The following TMEM132B variants were observed in gnomAD, a reference collection of about 807,000 sequenced individuals.
TMEM132B encodes transmembrane protein 132B.
A neutral mutation model predicts 90.8 loss-of-function variants in TMEM132B; 18 were observed. The ratio of observed to expected loss-of-function variants is 0.20; its 90% confidence interval spans 0.14 to 0.29. The LOEUF is 0.29. TMEM132B is among the 10% of genes least tolerant of loss of function. TMEM132B has a pLI of 1.00. For synonymous variants in TMEM132B, 504 were observed against 523.3 expected, an observed-to-expected ratio of 0.96 and a Z score of 0.50; for missense variants, 1,096 against 1,326.8, an observed-to-expected ratio of 0.83 and a Z score of 2.70.
chr12:125,472,241 G>A (rs1437886849), intron 3 of TMEM132B, among the ~76,000 whole-genome samples: 3 of 152,206 alleles, frequency 2.0e-5, no homozygotes, highest in East Asian at 3.9e-4. Context: ...CAGCAGTGCA[G>A]GGGGGTACAG....
chr12:125,640,344 G>T (rs993127243), intron 5 of TMEM132B, among the ~76,000 whole-genome samples: 1 of 152,186 alleles, frequency 6.6e-6, no homozygotes, highest in Admixed American at 6.5e-5. Flanking sequence ...TATGTGTGTC[G>T]GGCAGAGGTG....
chr12:125,598,015 G>C (rs927137916), intron 5 of TMEM132B, among the ~76,000 whole-genome samples: 1 of 152,184 alleles, frequency 6.6e-6, no homozygotes, highest in African/African-American at 2.4e-5. Context: ...CGTTTGTGGT[G>C]TGTAGGATGT....
intron 2 of TMEM132B, 36 bp downstream of exon 2, chr12:125,350,379 C>T (rs368381991): frequency 1.3e-6 from 2 of 1,561,792 alleles, no homozygotes; most frequent in Non-Finnish European, 8.6e-7. Context: ...GAACAGAAGC[C>T]AACTCTTAGT....
chr12:125,319,480 G>A (rs1168472316), intron 1 of TMEM132B, among the ~76,000 whole-genome samples: 1 of 152,222 alleles, frequency 6.6e-6, no homozygotes, highest in Admixed American at 6.5e-5. Context: ...CTCTTCTGCT[G>A]TGGCCACACA....
At chr12:125,332,196 C>G (rs1258745753) in intron 1 of TMEM132B, among the ~76,000 whole-genome samples, 1 of 152,086 alleles carries the variant, frequency 6.6e-6, no homozygotes, top group African/African-American at 2.4e-5. Context: ...GAACATGTTA[C>G]TTAGTATGTT....
intron 3 of TMEM132B, among the ~76,000 whole-genome samples, chr12:125,467,376 TCTC>T (rs1881591564): frequency 6.6e-6 from 1 of 151,996 alleles, no homozygotes; most frequent in African/African-American, 2.4e-5. Flanking sequence ...TTGTCTCCCC[TCTC>T]CTCCTCCTCT....
chr12:125,630,283 G>A (rs1416778825), intron 5 of TMEM132B, among the ~76,000 whole-genome samples: 2 of 151,938 alleles, frequency 1.3e-5, no homozygotes, highest in Non-Finnish European at 2.9e-5. Context: ...TTTCTTTATT[G>A]GGAGACTTTT....
chr12:125,426,378 A>T (rs1424115675), intron 3 of TMEM132B, among the ~76,000 whole-genome samples: 1 of 151,832 alleles, frequency 6.6e-6, no homozygotes, highest in African/African-American at 2.4e-5. Context: ...ATACATTTTG[A>T]GTGGTGATGC....
chr12:125,461,401 C>A, intron 3 of TMEM132B, among the ~76,000 whole-genome samples: 1 of 152,216 alleles, frequency 6.6e-6, no homozygotes, highest in Non-Finnish European at 1.5e-5. Flanking sequence ...CTCACTGTCA[C>A]CAGGCTGATC....
At chr12:125,645,102 C>T (rs1391036170) in intron 6 of TMEM132B, among the ~76,000 whole-genome samples, 3 of 151,682 alleles carry the variant, frequency 2.0e-5, no homozygotes, top group Non-Finnish European at 4.4e-5. Context: ...CCTATAGTCC[C>T]AGCTACTCGG....
chr12:125,258,651 G>T (rs1305622916), intron 1 of TMEM132B, among the ~76,000 whole-genome samples: 1 of 152,150 alleles, frequency 6.6e-6, no homozygotes, highest in Non-Finnish European at 1.5e-5. Flanking sequence ...CACCCAGATT[G>T]AATGGGAAGG....
chr12:125,200,448 A>T (rs1217844340), intron 1 of TMEM132B, among the ~76,000 whole-genome samples: 1 of 152,200 alleles, frequency 6.6e-6, no homozygotes, highest in African/African-American at 2.4e-5. Flanking sequence ...TTCCAGGTAC[A>T]TACAGAACTA....
In TMEM132B at chr12:125,654,638, C is replaced by G. The variant is rs1478089036; in HGVS notation, c.3180C>G (p.Val1060=). ...ACAGCGATGATAACATCAAGTGGGTCTGCCAAGATATGGGGCTGGGGGATT... is the reference window on the plus strand; with the variant it reads ...ACAGCGATGATAACATCAAGTGGGTGTGCCAAGATATGGGGCTGGGGGATT... The part of the protein sequence containing the change: ...LFDSDDNIKW[V]CQDMGLGDSQ... Residue 1060 remains valine, a synonymous_variant, in exon 9 of 9, where the codon GTC becomes GTG. Transcript: ENST00000682704. The surrounding 1 kb of genome is among the most constrained non-coding windows in gnomAD (Gnocchi z 5.8). 12 of 1,614,100 alleles carry G rather than the reference C, an allele frequency of 7.4e-6. No individual in the cohort carries two copies. The highest frequency in any genetic ancestry group is 1.0e-5 in the Non-Finnish European group (12 of 1,180,058).
At chr12:125,252,198 C>T (rs1874332246) in intron 1 of TMEM132B, among the ~76,000 whole-genome samples, 2 of 152,190 alleles carry the variant, frequency 1.3e-5, no homozygotes, top group Non-Finnish European at 2.9e-5. Flanking sequence ...GGGCAGAATG[C>T]AGCTAGTGGG....
Position 125,660,470 on chromosome 12 carries a change from C to T in TMEM132B, c.*5760C>T, listed in dbSNP as rs1436231022. The stretch of plus-strand genomic sequence containing the variant: ...TTTTTTGGTATTGAAATCCTTAATG[C>T]CTGTTAGTTTCTTTATGGTTTTATA... On this transcript the variant is annotated 3_prime_UTR_variant, in exon 9 of 9. Transcript: ENST00000682704. The T allele has an allele frequency of 6.6e-6, 1 of 151,938 alleles. No homozygotes were observed. Among genetic ancestry groups the T allele is most frequent in the East Asian group, 1.9e-4 (1 of 5,188 alleles). 9.4% of individuals were successfully genotyped at this position (151,938 alleles called of 1,614,324 possible).
chr12:125,318,332 A>G (rs1371877233), intron 1 of TMEM132B, among the ~76,000 whole-genome samples: 1 of 150,860 alleles, frequency 6.6e-6, no homozygotes, highest in East Asian at 2.0e-4. Flanking sequence ...TTTTTTTTTC[A>G]AACAGAGCTT....
rs961996575 is a variant in TMEM132B at position 125,644,295 on chromosome 12, G to A, written c.1643+14G>A. 32 of 1,613,518 alleles carry A rather than the reference G, an allele frequency of 2.0e-5. No homozygotes were observed. The highest frequency in any genetic ancestry group is 2.6e-5 in the Non-Finnish European group (31 of 1,179,812). On this transcript the variant is annotated intron_variant, in intron 6 of 8. Transcript: ENST00000682704. ...TGCCAACAGAAGGTGAGGAATCAAA[G>A]AGAAGGCTGTGGATCCGATTGTCCT...
At chr12:125,565,326 G>A (rs1884634825) in intron 4 of TMEM132B, among the ~76,000 whole-genome samples, 1 of 152,212 alleles carries the variant, frequency 6.6e-6, no homozygotes, top group Non-Finnish European at 1.5e-5. Context: ...GATACATGCA[G>A]ATGGGCAGGT....
At chr12:125,456,956 C>T (rs1370578496) in intron 3 of TMEM132B, among the ~76,000 whole-genome samples, 3 of 152,224 alleles carry the variant, frequency 2.0e-5, no homozygotes, top group Non-Finnish European at 4.4e-5. Flanking sequence ...TTGTGATCTT[C>T]TCTTTCCCAG....
Sources: allele counts gnomAD v4.1 joint callset (sites outside exome capture counted in the v4.1 genomes callset), GRCh38; gene constraint gnomAD v4.1.1; non-coding constraint Gnocchi (gnomAD v3.1); transcripts MANE v1.5; gene names NCBI Gene and HGNC (gene_info 2026-07-23, HGNC 2026-07-21).